The following PTCHD4 variants were observed in gnomAD, a reference collection of about 807,000 sequenced individuals.
PTCHD4 encodes the protein patched domain containing 4.
In PTCHD4, 33 loss-of-function variants were observed where a neutral mutation model predicts 58.1. The observed-to-expected ratio is 0.57, with a 90% CI of 0.43 to 0.76. The LOEUF is 0.76. PTCHD4 is among the 30% of genes least tolerant of loss of function. PTCHD4 has a pLI of 0.00. For missense variants in PTCHD4, 1,058 were observed against 1,027.1 expected, an observed-to-expected ratio of 1.03 and a Z score of -0.41; for synonymous variants, 478 against 409.6, an observed-to-expected ratio of 1.17 and a Z score of -2.02.
intron 4 of PTCHD4, among the ~76,000 whole-genome samples, chr6:47,922,442 T>C (rs904141140): frequency 6.6e-6 from 1 of 152,208 alleles, no homozygotes; most frequent in Non-Finnish European, 1.5e-5. Context: ...CCAGCCCCCC[T>C]GCCGGCCCAA....
At chr6:47,976,471 G>A (rs1319275222) in intron 4 of PTCHD4, among the ~76,000 whole-genome samples, 1 of 151,890 alleles carries the variant, frequency 6.6e-6, no homozygotes, top group African/African-American at 2.4e-5. Context: ...TGGTCAACAC[G>A]GTGAAACCCC....
intron 1 of PTCHD4, among the ~76,000 whole-genome samples, chr6:48,096,174 A>T (rs1765466291): frequency 6.6e-6 from 1 of 152,188 alleles, no homozygotes. Context: ...TAATTATCTG[A>T]GGGTGGAGGA....
chr6:48,064,159 G>A (rs185710010), intron 3 of PTCHD4, among the ~76,000 whole-genome samples: 17 of 152,232 alleles, frequency 1.1e-4, no homozygotes, highest in Non-Finnish European at 2.2e-4. Flanking sequence ...CTCTATCACC[G>A]TTGGCCAGGA....
chr6:47,882,662 T>C (rs1197299336), intron 4 of PTCHD4, among the ~76,000 whole-genome samples: 1 of 148,856 alleles, frequency 6.7e-6, no homozygotes, highest in Non-Finnish European at 1.5e-5. Flanking sequence ...TCTGGTCATA[T>C]TAAAATTCTA....
rs991698707 is a variant in PTCHD4, at chr6:47,866,441, G to T, written c.*11862C>A. On this transcript the variant is annotated 3_prime_UTR_variant, in exon 5 of 5. Transcript: ENST00000339488. Reference sequence around the variant, plus strand: ...GCAAATTTTGAGAACCACTAGCTTTGTTACTCCTAGGGTTATCCAAAATGT... The same window carrying T: ...GCAAATTTTGAGAACCACTAGCTTTTTTACTCCTAGGGTTATCCAAAATGT... Among the ~76,000 whole-genome samples the T allele has an allele frequency of 6.6e-6, 1 of 151,714 alleles. No homozygotes were observed. The highest frequency in any genetic ancestry group is 2.4e-5 in the African/African-American group (1 of 41,338).
At chr6:47,938,267 T>C (rs1044447549) in intron 4 of PTCHD4, among the ~76,000 whole-genome samples, 1 of 152,158 alleles carries the variant, frequency 6.6e-6, no homozygotes, top group Non-Finnish European at 1.5e-5. Context: ...TTTAGCAGTG[T>C]GGAGGTCAAT....
intron 4 of PTCHD4, among the ~76,000 whole-genome samples, chr6:47,934,788 G>T (rs2113912578): frequency 6.6e-6 from 1 of 152,198 alleles, no homozygotes; most frequent in East Asian, 1.9e-4. Context: ...ATCTCTTGGT[G>T]AGAAATATTT....
chr6:47,926,126 AATTGTCACAATCTTGAC>A (rs1055310598), intron 4 of PTCHD4, among the ~76,000 whole-genome samples: 1 of 152,242 alleles, frequency 6.6e-6, no homozygotes, highest in Non-Finnish European at 1.5e-5. Context: ...TTGTAAATGC[AATTGTCACAATCTTGAC>A]AGGGCGTTGG....
intron 1 of PTCHD4, among the ~76,000 whole-genome samples, chr6:48,103,862 T>C (rs1305539708): frequency 6.6e-6 from 1 of 151,970 alleles, no homozygotes; most frequent in Non-Finnish European, 1.5e-5. Context: ...CGATGGAAGA[T>C]GAAATGAATG....
In PTCHD4 at chr6:48,051,943, G is replaced by A. The variant is rs565450140; in HGVS notation, c.417+16287C>T. ...CTAACTTTTAAGATTCAAGTTACCC[G>A]ACTGTGCTGCTAACTTCCTATTTAC... On this transcript the variant is annotated intron_variant, in intron 3 of 4. Coordinates refer to ENST00000339488, the MANE Select transcript of PTCHD4 (RefSeq NM_001384253.1). Among the ~76,000 whole-genome samples the A allele has an allele frequency of 9.9e-5, 15 of 152,010 alleles. No homozygotes were observed. The South Asian group carries it at 1.9e-3, about 19-fold the overall frequency.
Position 48,008,659 on chromosome 6 carries a change from C to A in PTCHD4, c.873G>T (p.Leu291=), listed in dbSNP as rs754096301. 3.7e-6 allele frequency: 6 copies of A among 1,613,140 alleles called. No individual in the cohort carries two copies. The highest frequency in any genetic ancestry group is 1.7e-5 in the Admixed American group (1 of 59,874). ...FITDGKYNST[L]LGIPFFAMGH... is the part of the protein sequence containing the mutation. Reference sequence around the variant, plus strand: ...CCATGGCGAAGAACGGGATTCCCAGCAGGGTGGAGTTGTACTTTCCATCGG... The same window carrying A: ...CCATGGCGAAGAACGGGATTCCCAGAAGGGTGGAGTTGTACTTTCCATCGG... The change falls in exon 4 of 5, where the codon CTG becomes CTT. Residue 291 remains leucine (L), a synonymous_variant. Transcript: ENST00000339488.
intron 3 of PTCHD4, among the ~76,000 whole-genome samples, chr6:48,058,646 A>G (rs1764504752): frequency 6.6e-6 from 1 of 152,238 alleles, no homozygotes; most frequent in African/African-American, 2.4e-5. Flanking sequence ...TAGAAAAACC[A>G]TAATCTCACA....
intron 4 of PTCHD4, among the ~76,000 whole-genome samples, chr6:47,975,792 G>C (rs1767670838): frequency 6.6e-6 from 1 of 152,120 alleles, no homozygotes; most frequent in African/African-American, 2.4e-5. Context: ...TCTTGCCCTT[G>C]GAAAGTGCAT....
In PTCHD4 at chr6:48,008,676, T is replaced by C. The variant is rs765727415; in HGVS notation, c.856A>G (p.Lys286Glu). ...AAGIFFITDGKYNSTLLGIPF... is the reference protein window; with the variant it reads ...AAGIFFITDGEYNSTLLGIPF... ...ATTCCCAGCAGGGTGGAGTTGTACT[T>C]TCCATCGGTGATGAAGAAGATCCCT... Residue 286 changes from lysine to glutamate, a missense_variant, in exon 4 of 5, where the codon AAG becomes GAG. By Grantham distance (56) the Lys-to-Glu change is moderately conservative (BLOSUM62 1). Coordinates refer to ENST00000339488, the MANE Select transcript of PTCHD4 (RefSeq NM_001384253.1). 2.5e-6 allele frequency: 4 copies of C among 1,613,526 alleles called. 1 individual carries two copies. In the Middle Eastern group the frequency reaches 5.0e-4, roughly 200 times the overall value.
chr6:48,032,814 G>A (rs918434508), intron 3 of PTCHD4, among the ~76,000 whole-genome samples: 1 of 152,052 alleles, frequency 6.6e-6, no homozygotes, highest in Non-Finnish European at 1.5e-5. Flanking sequence ...TTCCTCTAAT[G>A]TCTTGTGGTA....
At chr6:48,034,455 G>A (rs988255206) in intron 3 of PTCHD4, among the ~76,000 whole-genome samples, 2 of 152,048 alleles carry the variant, frequency 1.3e-5, no homozygotes, top group Non-Finnish European at 2.9e-5. Context: ...GTAAAGGTTG[G>A]CAGTTGACCG....
chr6:48,065,496 G>A (rs1225350361), intron 3 of PTCHD4, among the ~76,000 whole-genome samples: 2 of 152,038 alleles, frequency 1.3e-5, no homozygotes, highest in Non-Finnish European at 1.5e-5. Context: ...CATCATAGAG[G>A]CATCCTTTGA....
chr6:47,900,552 C>T (rs1023171950), intron 4 of PTCHD4: 1 of 152,072 alleles, frequency 6.6e-6, no homozygotes. Flanking sequence ...AATATTTTCT[C>T]CCATTCTGTG....
chr6:48,068,766 A>C lies in PTCHD4; in HGVS notation c.6-125T>G. 7.2e-6 allele frequency: 6 copies of C among 834,594 alleles called. No homozygotes were observed. Among genetic ancestry groups the C allele is most frequent in the Non-Finnish European group, 1.1e-5 (6 of 553,628 alleles). 51.7% of individuals were successfully genotyped at this position (834,594 alleles called of 1,614,324 possible). A position where few individuals can be genotyped will look rare whatever the true frequency, so the allele number is the denominator to read the frequency against. On this transcript the variant is annotated intron_variant, in intron 2 of 4. Transcript: ENST00000339488. This position sits in a 1 kb window ranked among gnomAD's most constrained non-coding sequence, Gnocchi z 4.2. ...CCACCCACTCCGCGCTCACCCCACA[A>C]CCACTCCGCCTGGTCTTTCCCCGGC...
Sources: allele counts gnomAD v4.1 joint callset (sites outside exome capture counted in the v4.1 genomes callset), GRCh38; gene constraint gnomAD v4.1.1; non-coding constraint Gnocchi (gnomAD v3.1); transcripts MANE v1.5; gene names NCBI Gene and HGNC (gene_info 2026-07-23, HGNC 2026-07-21).